MED27: variants seen among roughly 807,000 people sequenced by gnomAD.
MED27 encodes mediator complex subunit 27, also known as mediator of RNA polymerase II transcription subunit 27.
Under a neutral mutation model 38.2 loss-of-function variants are expected in MED27, and 30 were observed. The ratio of observed to expected loss-of-function variants is 0.79; its 90% CI spans 0.59 to 1.07. The LOEUF (loss-of-function observed/expected upper bound fraction) is 1.07. MED27 is among the 50% of genes least tolerant of loss of function. The probability of loss-of-function intolerance (pLI) is 0.00; values close to 1 mark genes in which losing one functional copy is unlikely to be tolerated. For synonymous variants in MED27, 122 were observed against 153.5 expected (o/e 0.79, Z 1.52); for missense variants, 289 against 397.5 (o/e 0.73, Z 2.32).
chr9:131,974,492 A>C (rs1831561085), intron 3 of MED27, among the ~76,000 whole-genome samples: 1 of 152,180 alleles, frequency 6.6e-6, no homozygotes, highest in Admixed American at 6.5e-5. Context: ...ATATCTGACT[A>C]TGTAGATAGT....
At chr9:131,968,695 T>C (rs1354921760) in intron 3 of MED27, among the ~76,000 whole-genome samples, 3 of 152,068 alleles carry the variant, frequency 2.0e-5, no homozygotes, top group African/African-American at 7.2e-5. Flanking sequence ...CTTGAAAACA[T>C]TGTATTTGTG....
intron 3 of MED27, among the ~76,000 whole-genome samples, chr9:131,977,955 C>T (rs766546471): frequency 2.6e-5 from 4 of 152,184 alleles, no homozygotes; most frequent in Non-Finnish European, 5.9e-5. Flanking sequence ...ATGACTATAT[C>T]ACCTCCCTGC....
intron 6 of MED27, among the ~76,000 whole-genome samples, chr9:131,875,335 C>T (rs1838912094): frequency 1.3e-5 from 2 of 152,130 alleles, no homozygotes; most frequent in South Asian, 4.1e-4. Context: ...GCAGACAATG[C>T]TTTGGTGGGA....
At chr9:131,884,598 C>T (rs1456712349) in intron 5 of MED27, among the ~76,000 whole-genome samples, 1 of 147,910 alleles carries the variant, frequency 6.8e-6, no homozygotes, top group African/African-American at 2.5e-5. Flanking sequence ...TACCTTGATT[C>T]TCTTTACTTT....
chr9:132,036,896 C>T (rs945460647), intron 2 of MED27, among the ~76,000 whole-genome samples: 3 of 152,016 alleles, frequency 2.0e-5, no homozygotes, highest in African/African-American at 7.2e-5. Flanking sequence ...GTGCTGAAAG[C>T]CTATGCCAGA....
rs376222049 is a variant in MED27 at position 131,860,576 on chromosome 9, G to A, written c.898C>T (p.Arg300Ter). The A allele has an allele frequency of 3.4e-5, 54 of 1,588,692 alleles. No individual in the cohort carries two copies. The highest frequency in any genetic ancestry group is 4.2e-5 in the Non-Finnish European group (49 of 1,167,548). ...DGLPPTWRDFRTLEAFHDTCR... is the reference protein window; with the variant it reads ...DGLPPTWRDF ...GTGTCATGGAAGGCTTCGAGGGTTC[G>A]GAAATCCCTCCATGTCGGGGGAAGG... The change falls in exon 8 of 8, where the codon CGA becomes TGA. Residue 300 changes from arginine to a stop codon, truncating the protein, a stop_gained. Transcript: ENST00000292035. LOFTEE classifies it high-confidence loss of function. The surrounding 1 kb of genome is among the most constrained non-coding windows in gnomAD (Gnocchi z 5.8).
At chr9:132,054,398 T>C (rs1011687574) in intron 2 of MED27, among the ~76,000 whole-genome samples, 1 of 152,198 alleles carries the variant, frequency 6.6e-6, no homozygotes, top group Non-Finnish European at 1.5e-5. Flanking sequence ...TTGTGCAGCC[T>C]GCAGAACGGT....
At chr9:131,900,527 G>C (rs1443584453) in intron 4 of MED27, among the ~76,000 whole-genome samples, 1 of 152,154 alleles carries the variant, frequency 6.6e-6, no homozygotes, top group Non-Finnish European at 1.5e-5. Flanking sequence ...CACTTAAAAT[G>C]ATCTTCCCCC....
chr9:131,945,213 T>G (rs1413088443), intron 3 of MED27, among the ~76,000 whole-genome samples: 1 of 150,300 alleles, frequency 6.7e-6, no homozygotes, highest in Non-Finnish European at 1.5e-5. Context: ...TGAAATGGCA[T>G]AGGGGGTACA....
In MED27 at chr9:132,012,111, G is replaced by C. The variant is rs73555363; in HGVS notation, c.479+2226C>G. Reference sequence around the variant, plus strand: ...GACTAAGAACTGACTTTTGTCAAGAGAGAGTTAGCAACAAATACTTTTTGG... The same window carrying C: ...GACTAAGAACTGACTTTTGTCAAGACAGAGTTAGCAACAAATACTTTTTGG... On this transcript the variant is annotated intron_variant, in intron 3 of 7. Coordinates refer to ENST00000292035, the MANE Select transcript of MED27 (RefSeq NM_004269.4). 2.3e-3 allele frequency among the ~76,000 whole-genome samples: 345 copies of C among 152,334 alleles called. 1 individual carries two copies. The highest frequency in any genetic ancestry group is 8.0e-3 in the African/African-American group (333 of 41,576).
At position 131,861,591 on chromosome 9, in the gene MED27, C is replaced by T. The variant is rs142104399; in HGVS notation, c.802-919G>A. ...TGTTTGGGGGTTTTGGCAATAAACA[C>T]GAGGTCAAGAGGTCCTTCAGTTAAA... is the stretch of plus-strand genomic sequence containing the variant. On this transcript the variant is annotated intron_variant, in intron 7 of 7. Transcript: ENST00000292035. This position sits in a 1 kb window ranked among gnomAD's most constrained non-coding sequence, Gnocchi z 4.4. Among the ~76,000 whole-genome samples, 124 of 152,224 alleles carry T rather than the reference C, an allele frequency of 8.1e-4. 3 individuals carry two copies. The South Asian group carries it at 0.013, about 16-fold the overall frequency.
intron 4 of MED27, among the ~76,000 whole-genome samples, chr9:131,939,105 T>C (rs897145302): frequency 3.9e-5 from 6 of 152,182 alleles, no homozygotes; most frequent in African/African-American, 9.7e-5. Context: ...CGCCAAAACA[T>C]TGGGAGGTTG....
At chr9:132,050,500 C>A (rs995905540) in intron 2 of MED27, among the ~76,000 whole-genome samples, 12 of 152,274 alleles carry the variant, frequency 7.9e-5, no homozygotes, top group African/African-American at 2.9e-4. Flanking sequence ...GACAGTCGCT[C>A]TGTAAAAGAC....
At position 131,896,486 on chromosome 9, in the gene MED27, AT is replaced by A. The variant is rs536676841; in HGVS notation, c.574-2495del. ...ATAACACCAGAAATTTTATATTCAAATTTTTTTCTATTAAAAGTTAATTTTG... is the reference window on the plus strand; with the variant it reads ...ATAACACCAGAAATTTTATATTCAAATTTTTTCTATTAAAAGTTAATTTTG... On this transcript the variant is annotated intron_variant, in intron 4 of 7. Transcript: ENST00000292035. Among the ~76,000 whole-genome samples the A allele has an allele frequency of 1.1e-4, 16 of 152,254 alleles. No homozygotes were observed. In the South Asian group the frequency reaches 1.4e-3, roughly 14 times the overall value.
intron 2 of MED27, among the ~76,000 whole-genome samples, chr9:132,065,607 G>A (rs896950740): frequency 6.6e-6 from 1 of 152,146 alleles, no homozygotes; most frequent in African/African-American, 2.4e-5. Flanking sequence ...AGAGCTTAAC[G>A]CACACAAGGG....
chr9:131,891,350 T>G (rs914629644), intron 5 of MED27, among the ~76,000 whole-genome samples: 1 of 152,262 alleles, frequency 6.6e-6, no homozygotes, highest in African/African-American at 2.4e-5. Flanking sequence ...ATGAGGCATT[T>G]AGACGCCTTG....
chr9:132,002,514 A>G (rs963224835), intron 3 of MED27, among the ~76,000 whole-genome samples: 3 of 152,168 alleles, frequency 2.0e-5, no homozygotes, highest in African/African-American at 4.8e-5. Flanking sequence ...GGTGAAAGAG[A>G]AACTGGCTTA....
intron 2 of MED27, among the ~76,000 whole-genome samples, chr9:132,061,342 T>C (rs1198622165): frequency 2.0e-5 from 3 of 152,204 alleles, no homozygotes; most frequent in African/African-American, 7.2e-5. Flanking sequence ...TGGTTAGAAC[T>C]GGAGGTGATG....
intron 2 of MED27, among the ~76,000 whole-genome samples, chr9:132,049,904 AGAATTG>A (rs1472014436): frequency 6.6e-6 from 1 of 152,232 alleles, no homozygotes; most frequent in Non-Finnish European, 1.5e-5. Context: ...TAAAGAATCC[AGAATTG>A]GAATGTCTGT....
Sources: allele counts gnomAD v4.1 joint callset (sites outside exome capture counted in the v4.1 genomes callset), GRCh38; gene constraint gnomAD v4.1.1; non-coding constraint Gnocchi (gnomAD v3.1); transcripts MANE v1.5; gene names NCBI Gene and HGNC (gene_info 2026-07-23, HGNC 2026-07-21).